The following ATXN7L1 variants were observed in gnomAD, a reference collection of about 807,000 sequenced individuals.
ATXN7L1 encodes the protein ataxin 7 like 1.
A neutral mutation model predicts 70.8 loss-of-function variants in ATXN7L1; 15 were observed. That is an observed-to-expected ratio of 0.21 (90% CI 0.14 to 0.33). The LOEUF is 0.33. ATXN7L1 is among the 10% of genes least tolerant of loss of function. The pLI is 1.00. For synonymous variants in ATXN7L1, 440 were observed against 445.1 expected (o/e 0.99, Z 0.14); for missense variants, 975 against 1,097.1 (o/e 0.89, Z 1.57).
chr7:105,771,747 C>T (rs1321608851), intron 3 of ATXN7L1, among the ~76,000 whole-genome samples: 1 of 152,084 alleles, frequency 6.6e-6, no homozygotes, highest in African/African-American at 2.4e-5. Context: ...TCTGAGAAGA[C>T]AGAGATTGTG....
intron 3 of ATXN7L1, 86 bp from the exon 4 acceptor site, chr7:105,665,374 AG>A: frequency 8.8e-7 from 1 of 1,134,072 alleles, no homozygotes; most frequent in Admixed American, 2.1e-5. Context: ...AACACACAAC[AG>A]GCGGAGAGAA....
At chr7:105,745,741 C>T (rs979906996) in intron 3 of ATXN7L1, among the ~76,000 whole-genome samples, 19 of 152,298 alleles carry the variant, frequency 1.2e-4, no homozygotes, top group East Asian at 5.8e-4. Flanking sequence ...CCTGGAGTCC[C>T]GGTCTTACTC....
intron 3 of ATXN7L1, among the ~76,000 whole-genome samples, chr7:105,726,824 C>T (rs1795870054): frequency 6.6e-6 from 1 of 152,160 alleles, no homozygotes. Flanking sequence ...ATAAGGAGTT[C>T]CTGTAGCTTC....
chr7:105,781,709 G>A (rs1803557449), intron 3 of ATXN7L1, among the ~76,000 whole-genome samples: 2 of 152,270 alleles, frequency 1.3e-5, no homozygotes, highest in Admixed American at 1.3e-4. Context: ...CCACATGCAA[G>A]TTCCTTTAAT....
chr7:105,650,754 G>A (rs1584515475), intron 4 of ATXN7L1, among the ~76,000 whole-genome samples: 1 of 152,188 alleles, frequency 6.6e-6, no homozygotes. Context: ...TAGCTGCTGA[G>A]AACAATGATG....
chr7:105,660,910 T>G (rs1019477206), intron 4 of ATXN7L1, among the ~76,000 whole-genome samples: 1 of 152,174 alleles, frequency 6.6e-6, no homozygotes, highest in Non-Finnish European at 1.5e-5. Context: ...AAACCCTTTC[T>G]GAGTCCTCAG....
rs1800490659 is a variant in ATXN7L1 at position 105,761,219 on chromosome 7, A to T, written c.355+27385T>A. On this transcript the variant is annotated intron_variant, in intron 3 of 11. Transcript: ENST00000419735. ...CTGCTCAAGCCCATTTCCTTACTAG[A>T]TCCTGACACCAGAGTGTGCTCACGA... 10 of 1,456,474 alleles carry T rather than the reference A, an allele frequency of 6.9e-6. No individual in the cohort carries two copies. In the South Asian group the frequency reaches 1.5e-4, roughly 21 times the overall value. The allele number at this position is 1,456,474 out of a possible 1,614,324, so 90.2% of individuals were successfully genotyped here.
intron 2 of ATXN7L1, among the ~76,000 whole-genome samples, chr7:105,827,530 C>T (rs1229506315): frequency 2.6e-5 from 4 of 152,094 alleles, no homozygotes; most frequent in African/African-American, 9.7e-5. Context: ...AGTTTTTCAA[C>T]CAAATGAGGT....
At chr7:105,666,510 G>A (rs2116075761) in intron 3 of ATXN7L1, among the ~76,000 whole-genome samples, 1 of 152,302 alleles carries the variant, frequency 6.6e-6, no homozygotes, top group South Asian at 2.1e-4. Flanking sequence ...GGAGATGCAA[G>A]CCTCCCACCT....
At chr7:105,647,584 TTGCAG>T (rs1799237074) in intron 4 of ATXN7L1, among the ~76,000 whole-genome samples, 1 of 151,966 alleles carries the variant, frequency 6.6e-6, no homozygotes, top group Non-Finnish European at 1.5e-5. Context: ...GAGACGGAGG[TTGCAG>T]TGAGCTGAGA....
intron 9 of ATXN7L1, among the ~76,000 whole-genome samples, chr7:105,617,157 G>A (rs1794033799): frequency 6.6e-6 from 1 of 152,074 alleles, no homozygotes. Context: ...CTCCTGAGTA[G>A]CTGGGACTAC....
intron 3 of ATXN7L1, among the ~76,000 whole-genome samples, chr7:105,772,660 G>A (rs1338615163): frequency 6.6e-6 from 1 of 152,134 alleles, no homozygotes; most frequent in African/African-American, 2.4e-5. Context: ...CAGAGTTACA[G>A]GAGAGACTGA....
intron 3 of ATXN7L1, among the ~76,000 whole-genome samples, chr7:105,713,379 G>A (rs1334591881): frequency 1.3e-5 from 2 of 152,224 alleles, no homozygotes; most frequent in Non-Finnish European, 2.9e-5. Context: ...ACCATGGCTG[G>A]GGTCTGACGG....
intron 2 of ATXN7L1, among the ~76,000 whole-genome samples, chr7:105,837,290 T>C (rs1218066084): frequency 6.6e-6 from 1 of 152,118 alleles, no homozygotes; most frequent in Non-Finnish European, 1.5e-5. Context: ...TATATCATAG[T>C]CATCCACTGG....
intron 7 of ATXN7L1, among the ~76,000 whole-genome samples, chr7:105,632,498 A>G (rs1290848725): frequency 1.3e-5 from 2 of 152,248 alleles, no homozygotes; most frequent in African/African-American, 4.8e-5. Context: ...GTCAAGAAAG[A>G]AAGAATAAAG....
At chr7:105,629,986 T>A (rs1796352701) in intron 7 of ATXN7L1, among the ~76,000 whole-genome samples, 1 of 151,978 alleles carries the variant, frequency 6.6e-6, no homozygotes, top group Admixed American at 6.6e-5. Context: ...CCTGGCTAAT[T>A]TTTTTATTTT....
intron 3 of ATXN7L1, among the ~76,000 whole-genome samples, chr7:105,765,588 T>C (rs915184534): frequency 2.0e-5 from 3 of 152,126 alleles, no homozygotes; most frequent in Non-Finnish European, 4.4e-5. Context: ...TGCTGCTCAT[T>C]AAACTACTAA....
At position 105,745,742 on chromosome 7, in the gene ATXN7L1, G is replaced by A. The variant is rs543053783; in HGVS notation, c.355+42862C>T. On this transcript the variant is annotated intron_variant, in intron 3 of 11. Coordinates refer to ENST00000419735, the MANE Select transcript of ATXN7L1 (RefSeq NM_020725.2). ...GAGGGGCAGGAGGCCCTGGAGTCCC[G>A]GTCTTACTCTCTGTTTACCCAGAGT... Among the ~76,000 whole-genome samples the A allele has an allele frequency of 1.2e-3, 190 of 152,332 alleles. 2 individuals are homozygous for A. In the South Asian group the frequency reaches 0.02, roughly 16 times the overall value.
chr7:105,696,592 C>T (rs926974179), intron 3 of ATXN7L1, among the ~76,000 whole-genome samples: 5 of 152,178 alleles, frequency 3.3e-5, no homozygotes, highest in African/African-American at 9.7e-5. Flanking sequence ...GAGGCCTAGC[C>T]ACTGAACTTG....
Sources: allele counts gnomAD v4.1 joint callset (sites outside exome capture counted in the v4.1 genomes callset), GRCh38; gene constraint gnomAD v4.1.1; transcripts MANE v1.5; gene names NCBI Gene and HGNC (gene_info 2026-07-23, HGNC 2026-07-21).